Variants in UGT1A8 observed in about 807,000 individuals in gnomAD.
The protein encoded by UGT1A8 is UDP-glucuronosyltransferase 1A8.
In UGT1A8, 39 loss-of-function variants were observed where a neutral mutation model predicts 45.3. The observed-to-expected ratio is 0.86, with a 90% confidence interval of 0.67 to 1.12. The LOEUF is 1.12. UGT1A8 is among the 50% of genes most tolerant of loss of function. UGT1A8 has a pLI of 0.00. For missense variants in UGT1A8, 719 were observed against 664.9 expected (o/e 1.08, Z -0.90); for synonymous variants, 275 against 249.2 (o/e 1.10, Z -0.97).
At chr2:233,744,478 A>C (rs921058584) in intron 1 of UGT1A8, among the ~76,000 whole-genome samples, 8 of 152,046 alleles carry the variant, frequency 5.3e-5, no homozygotes, top group South Asian at 2.1e-4. Context: ...AAGACATATT[A>C]ATTGGGCAAT....
At chr2:233,718,891 C>G (rs1334385335) in intron 1 of UGT1A8, 1 of 1,613,878 alleles carries the variant, frequency 6.2e-7, no homozygotes, top group African/African-American at 1.3e-5. Context: ...AGTGTCCAGC[C>G]CTGGGCTGAG....
At chr2:233,646,214 C>T (rs990542227) in intron 1 of UGT1A8, among the ~76,000 whole-genome samples, 20 of 152,216 alleles carry the variant, frequency 1.3e-4, no homozygotes, top group African/African-American at 4.8e-4. Flanking sequence ...AGGCTGCACA[C>T]AGCAGGGGGC....
At chr2:233,654,768 C>A (rs1162657385) in intron 1 of UGT1A8, among the ~76,000 whole-genome samples, 1 of 152,186 alleles carries the variant, frequency 6.6e-6, no homozygotes, top group Non-Finnish European at 1.5e-5. Context: ...GTTTTAGACC[C>A]AGTCCAGTGG....
intron 1 of UGT1A8, among the ~76,000 whole-genome samples, chr2:233,749,662 A>G (rs1433200566): frequency 2.0e-5 from 3 of 151,858 alleles, no homozygotes; most frequent in African/African-American, 7.3e-5. Flanking sequence ...TGTAATCCCC[A>G]TAATCCCCAC....
chr2:233,754,088 A>G (rs1438865323), intron 1 of UGT1A8, among the ~76,000 whole-genome samples: 2 of 152,224 alleles, frequency 1.3e-5, no homozygotes, highest in Non-Finnish European at 2.9e-5. Context: ...TTTTATCTAA[A>G]TAATGGTCAA....
intron 1 of UGT1A8, chr2:233,747,357 C>A (rs115834808): frequency 9.4e-6 from 15 of 1,602,522 alleles, no homozygotes; most frequent in East Asian, 2.2e-5. Context: ...GGAGGCCGTG[C>A]GGGAGCTCCA....
At chr2:233,656,076 T>A (rs1170437785) in intron 1 of UGT1A8, among the ~76,000 whole-genome samples, 3 of 152,012 alleles carry the variant, frequency 2.0e-5, no homozygotes, top group Non-Finnish European at 4.4e-5. Context: ...GGTAGGAGCT[T>A]TATGCTGAAC....
intron 1 of UGT1A8, among the ~76,000 whole-genome samples, chr2:233,645,206 C>T (rs1054082372): frequency 6.6e-6 from 1 of 152,188 alleles, no homozygotes; most frequent in Admixed American, 6.5e-5. Flanking sequence ...GACTTATTCA[C>T]TATCAAGAGA....
chr2:233,767,888 G>A lies in UGT1A8; in HGVS notation c.1027G>A (p.Ala343Thr), dbSNP rs771899094. 2 of 1,614,028 alleles carry A rather than the reference G, an allele frequency of 1.2e-6. No individual in the cohort carries two copies. The highest frequency in any genetic ancestry group is 3.3e-5 in the Admixed American group (2 of 60,002). The stretch of plus-strand genomic sequence containing the variant: ...CACTGGAACCCGACCATCGAATCTT[G>A]CGAACAACACGATACTTGTTAAGTG... ...RYTGTRPSNL[A>T]NNTILVKWLP... Residue 343 changes from alanine to threonine, a missense_variant, in exon 3 of 5, where the codon GCG becomes ACG. By Grantham distance (58) the Ala-to-Thr change is moderately conservative. Transcript: ENST00000373450.
intron 1 of UGT1A8, among the ~76,000 whole-genome samples, chr2:233,733,368 G>A (rs1157903403): frequency 6.6e-6 from 1 of 152,148 alleles, no homozygotes; most frequent in African/African-American, 2.4e-5. Context: ...GGTGAGAGAG[G>A]TCATCCTTGT....
At chr2:233,746,870 G>A (rs544593514) in intron 1 of UGT1A8, among the ~76,000 whole-genome samples, 2 of 151,670 alleles carry the variant, frequency 1.3e-5, no homozygotes, top group African/African-American at 4.9e-5. Flanking sequence ...CCTGATAAAC[G>A]TGGTTAACAG....
intron 1 of UGT1A8, chr2:233,690,033 G>A: frequency 2.4e-6 from 1 of 420,618 alleles, no homozygotes; most frequent in Non-Finnish European, 4.7e-6. Flanking sequence ...CAAGATCTGG[G>A]CCCAGAGCAT....
chr2:233,679,013 G>A (rs2074435119), intron 1 of UGT1A8, among the ~76,000 whole-genome samples: 1 of 152,118 alleles, frequency 6.6e-6, no homozygotes. Flanking sequence ...CATCTTCAGT[G>A]GTGTAATCCT....
intron 1 of UGT1A8, chr2:233,747,090 C>A: frequency 8.0e-7 from 1 of 1,247,360 alleles, no homozygotes; most frequent in East Asian, 2.6e-5. Context: ...GAGGAGAGCA[C>A]TCTATCTTCC....
intron 1 of UGT1A8, among the ~76,000 whole-genome samples, chr2:233,701,124 G>A (rs2075611315): frequency 6.6e-6 from 1 of 152,078 alleles, no homozygotes; most frequent in African/African-American, 2.4e-5. Flanking sequence ...TATCATTGAG[G>A]GACATTTAGG....
rs555999540 is a variant in UGT1A8 at position 233,720,422 on chromosome 2, G to T, written c.856-46612G>T. 1.8e-4 allele frequency among the ~76,000 whole-genome samples: 28 copies of T among 152,172 alleles called. 1 individual carries two copies. The Middle Eastern group carries it at 0.027, about 148-fold the overall frequency. On this transcript the variant is annotated intron_variant, in intron 1 of 4. Coordinates refer to ENST00000373450, the MANE Select transcript of UGT1A8 (RefSeq NM_019076.5). ...AGTGGGTGGAAGGGACTAGGGAGGA[G>T]ATAAGACCGTGAATCTATAAGCCCA...
chr2:233,648,764 TG>T, intron 1 of UGT1A8: 1 of 740,526 alleles, frequency 1.4e-6, no homozygotes, highest in African/African-American at 1.8e-5. Flanking sequence ...ACACCCAGCC[TG>T]GATGCCATGA....
At chr2:233,735,575 C>T (rs1354708625) in intron 1 of UGT1A8, among the ~76,000 whole-genome samples, 1 of 152,032 alleles carries the variant, frequency 6.6e-6, no homozygotes, top group Non-Finnish European at 1.5e-5. Flanking sequence ...GGTTATTTTG[C>T]CCGTTAATTG....
intron 1 of UGT1A8, among the ~76,000 whole-genome samples, chr2:233,766,527 C>A (rs182363342): frequency 6.6e-6 from 1 of 152,236 alleles, no homozygotes; most frequent in Non-Finnish European, 1.5e-5. Context: ...AACATTTAGG[C>A]AGGAAAACAA....
Sources: allele counts gnomAD v4.1 joint callset (sites outside exome capture counted in the v4.1 genomes callset), GRCh38; gene constraint gnomAD v4.1.1; transcripts MANE v1.5; gene names NCBI Gene and HGNC (gene_info 2026-07-23, HGNC 2026-07-21).